The following TET2 variants were observed in gnomAD, a reference collection of about 807,000 sequenced individuals.
TET2 encodes methylcytosine dioxygenase TET2.
Under a neutral mutation model 142.9 loss-of-function variants are expected in TET2, and 299 were observed. That is an observed-to-expected ratio of 2.09 (90% CI 1.90 to 2.30). TET2 has a LOEUF of 2.30. Ranked by LOEUF, TET2 falls within the 30% of genes most tolerant of loss-of-function variation. TET2 has a pLI of 0.00. For missense variants in TET2, 2,418 were observed against 2,378.0 expected (o/e 1.02, Z -0.35); for synonymous variants, 819 against 849.0 (o/e 0.96, Z 0.61).
At chr4:105,249,669 T>C (rs1729767775) in intron 6 of TET2, among the ~76,000 whole-genome samples, 1 of 152,230 alleles carries the variant, frequency 6.6e-6, no homozygotes, top group South Asian at 2.1e-4. Context: ...GTGATTTTGA[T>C]TTGCATTTTC....
At chr4:105,217,040 G>A (rs969948779) in intron 2 of TET2, among the ~76,000 whole-genome samples, 1 of 151,800 alleles carries the variant, frequency 6.6e-6, no homozygotes, top group African/African-American at 2.4e-5. Context: ...CAATTTTTTT[G>A]TGTGTTCTTT....
rs1731330798 is a variant in TET2, at chr4:105,278,726, G to GCAA, written c.*2207_*2208insCAA. On this transcript the variant is annotated 3_prime_UTR_variant, in exon 11 of 11. Transcript: ENST00000380013. Reference sequence around the variant, plus strand: ...AGGAATCTTTTGACTGTTTCAAGCAGGAAAAAAAAATTACATGAAAATAGA... The same window carrying GCAA: ...AGGAATCTTTTGACTGTTTCAAGCAGCAAGAAAAAAAAATTACATGAAAATAGA... 1 of 232,186 alleles carries GCAA rather than the reference G, an allele frequency of 4.3e-6. No homozygotes were observed. The highest frequency in any genetic ancestry group is 8.5e-6 in the Non-Finnish European group (1 of 117,722). 14.4% of individuals were successfully genotyped at this position (232,186 alleles called of 1,614,324 possible).
chr4:105,252,711 C>CA (rs916085858), intron 6 of TET2, among the ~76,000 whole-genome samples: 1 of 152,128 alleles, frequency 6.6e-6, no homozygotes, highest in African/African-American at 2.4e-5. Context: ...TCTAAAAAGT[C>CA]AACACCAAGG....
In TET2 at chr4:105,275,733, ACCCAATCT is replaced by A. The variant is rs1731183780; in HGVS notation, c.5224_5231del (p.Pro1742GlufsTer8). 1 of 1,551,588 alleles carries A rather than the reference ACCCAATCT, an allele frequency of 6.4e-7. No homozygotes were observed. Among genetic ancestry groups the A allele is most frequent in the African/African-American group, 1.4e-5 (1 of 72,988 alleles). On this transcript the variant is annotated frameshift_variant, in exon 11 of 11. Transcript: ENST00000380013. LOFTEE classifies it low-confidence loss of function (END_TRUNC). ...TCATGGGAGCCACCTCTAGATTACC[ACCCAATCT>A]GAGCAATCCAAACATGGACTATAAA...
intron 2 of TET2, among the ~76,000 whole-genome samples, chr4:105,225,415 G>T (rs1728128636): frequency 6.6e-6 from 1 of 152,084 alleles, no homozygotes; most frequent in Non-Finnish European, 1.5e-5. Flanking sequence ...GACTACTGAT[G>T]CACATTTCTC....
chr4:105,273,044 T>G (rs1397167317), intron 10 of TET2, 126 bp downstream of exon 10: 1 of 711,832 alleles, frequency 1.4e-6, no homozygotes, highest in Non-Finnish European at 2.3e-6. Flanking sequence ...TGCAGGTTTG[T>G]TATACAGGTA....
At chr4:105,158,804 T>C (rs566102428) in intron 1 of TET2, among the ~76,000 whole-genome samples, 26 of 151,804 alleles carry the variant, frequency 1.7e-4, no homozygotes, top group Non-Finnish European at 2.8e-4. Context: ...GTTCTTCCTC[T>C]TTTTTGGAAA....
intron 6 of TET2, among the ~76,000 whole-genome samples, chr4:105,255,212 T>C (rs1730062277): frequency 6.6e-6 from 1 of 152,254 alleles, no homozygotes; most frequent in Non-Finnish European, 1.5e-5. Flanking sequence ...AATATGAGTA[T>C]GTCGAGTTTT....
rs147604690 is a variant in TET2, at chr4:105,156,258, G to A, written c.-193+9279G>A. ...TTTTTATAAGTAATTTATACAGAAG[G>A]TACACCATATTCAAAAGAAGAAAAA... On this transcript the variant is annotated intron_variant, in intron 1 of 10. Transcript: ENST00000380013. Among the ~76,000 whole-genome samples the A allele has an allele frequency of 2.2e-3, 332 of 152,200 alleles. 1 individual carries two copies. The highest frequency in any genetic ancestry group is 7.7e-3 in the African/African-American group (320 of 41,532).
Position 105,277,006 on chromosome 4 carries a change from G to A in TET2, c.*487G>A, listed in dbSNP as rs1560575370. On this transcript the variant is annotated 3_prime_UTR_variant, in exon 11 of 11. Coordinates refer to ENST00000380013, the MANE Select transcript of TET2 (RefSeq NM_001127208.3). ...GATGTACTGAAATACTGGAATTATG[G>A]CTTTTTGAAATGCAGTTTTTACTGT... 1 of 232,592 alleles carries A rather than the reference G, an allele frequency of 4.3e-6. No individual in the cohort carries two copies. Among genetic ancestry groups the A allele is most frequent in the African/African-American group, 2.2e-5 (1 of 45,278 alleles). The allele number at this position is 232,592 out of a possible 1,614,324, so 14.4% of individuals were successfully genotyped here. A position where few individuals can be genotyped will look rare whatever the true frequency, so the allele number is the denominator to read the frequency against.
In TET2 at chr4:105,276,115, G is replaced by A. The variant is rs1453845082; in HGVS notation, c.5605G>A (p.Gly1869Arg). The change falls in exon 11 of 11, where the codon GGG (glycine) becomes AGG (arginine). Residue 1869 changes from glycine (G) to arginine (R), a missense_variant. Coordinates refer to ENST00000380013, the MANE Select transcript of TET2 (RefSeq NM_001127208.3). Reference protein sequence around the residue: ...IGGVAVAPTHGSILIECAKRE... With the variant: ...IGGVAVAPTHRSILIECAKRE... ...GGGAGTGGCCGTGGCTCCAACTCAT[G>A]GGTCAATTCTCATTGAGTGTGCAAA... The A allele has an allele frequency of 6.4e-7, 1 of 1,551,494 alleles. No homozygotes were observed. The highest frequency in any genetic ancestry group is 8.7e-7 in the Non-Finnish European group (1 of 1,146,980).
intron 2 of TET2, among the ~76,000 whole-genome samples, chr4:105,212,861 G>A (rs1207703006): frequency 6.6e-6 from 1 of 151,998 alleles, no homozygotes; most frequent in African/African-American, 2.4e-5. Flanking sequence ...ATGGTGGCAC[G>A]TGCCTGTAGT....
intron 2 of TET2, among the ~76,000 whole-genome samples, chr4:105,193,038 A>T (rs1313767359): frequency 6.6e-6 from 1 of 152,222 alleles, no homozygotes; most frequent in Non-Finnish European, 1.5e-5. Context: ...CTTATACATC[A>T]GTAAATATTT....
chr4:105,252,499 G>A (rs1004515795), intron 6 of TET2, among the ~76,000 whole-genome samples: 1 of 152,154 alleles, frequency 6.6e-6, no homozygotes, highest in Non-Finnish European at 1.5e-5. Context: ...TTTTTGTGTG[G>A]ACAAAAGTTT....
intron 8 of TET2, among the ~76,000 whole-genome samples, chr4:105,266,584 T>A (rs1730689905): frequency 6.6e-6 from 1 of 151,944 alleles, no homozygotes; most frequent in South Asian, 2.1e-4. Flanking sequence ...TAAGGAAAGA[T>A]CAGAAGATAT....
intron 8 of TET2, among the ~76,000 whole-genome samples, chr4:105,266,732 AT>A (rs1323739450): frequency 6.6e-6 from 1 of 152,096 alleles, no homozygotes; most frequent in Non-Finnish European, 1.5e-5. Context: ...ACTGAAAAAA[AT>A]GAATATATAA....
At chr4:105,180,418 T>C (rs748445713) in intron 1 of TET2, among the ~76,000 whole-genome samples, 3 of 152,212 alleles carry the variant, frequency 2.0e-5, no homozygotes, top group Non-Finnish European at 2.9e-5. Flanking sequence ...TCGGCTGTTG[T>C]AGATAGATAA....
intron 1 of TET2, among the ~76,000 whole-genome samples, chr4:105,185,516 C>A (rs1280258294): frequency 6.6e-6 from 1 of 152,204 alleles, no homozygotes; most frequent in Non-Finnish European, 1.5e-5. Context: ...CGCAGTGGCT[C>A]ATGCCTGTAA....
At position 105,234,306 on chromosome 4, in the gene TET2, A is replaced by T; in HGVS notation, c.364A>T (p.Arg122Ter). 1 of 1,614,150 alleles carries T rather than the reference A, an allele frequency of 6.2e-7. No homozygotes were observed. The highest frequency in any genetic ancestry group is 8.5e-7 in the Non-Finnish European group (1 of 1,180,012). ...LKQDQKANGERRNFGVSQERN... is the reference protein window; with the variant it reads ...LKQDQKANGE ...ACAAGACCAAAAGGCTAATGGAGAA[A>T]GACGTAACTTCGGGGTAAGCCAAGA... The change falls in exon 3 of 11, where the codon AGA (arginine) becomes TGA (stop). Residue 122 changes from arginine to a stop codon, truncating the protein, a stop_gained. Coordinates refer to ENST00000380013, the MANE Select transcript of TET2 (RefSeq NM_001127208.3). LOFTEE classifies it high-confidence loss of function.
Sources: allele counts gnomAD v4.1 joint callset (sites outside exome capture counted in the v4.1 genomes callset), GRCh38; gene constraint gnomAD v4.1.1; transcripts MANE v1.5; gene names NCBI Gene and HGNC (gene_info 2026-07-23, HGNC 2026-07-21).